KDM7A: variants seen among roughly 807,000 people sequenced by gnomAD.
KDM7A encodes lysine-specific demethylase 7A.
Under a neutral mutation model 114.8 loss-of-function variants are expected in KDM7A, and 28 were observed. The ratio of observed to expected loss-of-function variants is 0.24; its 90% CI spans 0.18 to 0.33. KDM7A has a LOEUF of 0.33. KDM7A is among the 10% of genes least tolerant of loss of function. The probability of loss-of-function intolerance (pLI) is 1.00; values close to 1 mark genes in which losing one functional copy is unlikely to be tolerated. For missense variants in KDM7A, 942 were observed against 1,142.5 expected (o/e 0.82, Z 2.53); for synonymous variants, 423 against 397.8 (o/e 1.06, Z -0.75).
chr7:140,176,885 G>A lies in KDM7A; in HGVS notation c.53C>T (p.Ala18Val). The stretch of plus-strand genomic sequence containing the variant: ...GGGAGCCGCCACCGACACGGCTGCC[G>A]CGGCGGCTCCAGCTGCTGCTCCCGC... Reference protein sequence around the residue: ...VAAGAAAGAAAAAVSVAAPGR... With the variant: ...VAAGAAAGAAVAAVSVAAPGR... Residue 18 changes from alanine to valine, a missense_variant, in exon 1 of 20, where the codon GCG becomes GTG. Ala to Val is a moderately conservative substitution (Grantham distance 64, BLOSUM62 0). Coordinates refer to ENST00000397560, the MANE Select transcript of KDM7A (RefSeq NM_030647.2). The surrounding 1 kb of genome is among the most constrained non-coding windows in gnomAD (Gnocchi z 4.4). 1.7e-6 allele frequency: 2 copies of A among 1,207,924 alleles called. No individual in the cohort carries two copies. The highest frequency in any genetic ancestry group is 2.1e-6 in the Non-Finnish European group (2 of 961,802). 74.8% of individuals were successfully genotyped at this position (1,207,924 alleles called of 1,614,324 possible).
chr7:140,089,408 T>C lies in KDM7A; in HGVS notation c.*1686A>G, dbSNP rs1817985281. ...TACATTTGAATGCAACCATGAAAGA[T>C]GATGGTACAGACTTTTTTCTTCTTA... is the stretch of plus-strand genomic sequence containing the variant. On this transcript the variant is annotated 3_prime_UTR_variant, in exon 20 of 20. Coordinates refer to ENST00000397560, the MANE Select transcript of KDM7A (RefSeq NM_030647.2). The C allele has an allele frequency of 1.3e-5, 2 of 152,222 alleles. No homozygotes were observed. The highest frequency in any genetic ancestry group is 1.3e-4 in the Admixed American group (2 of 15,286). 9.4% of individuals were successfully genotyped at this position (152,222 alleles called of 1,614,324 possible). A position where few individuals can be genotyped will look rare whatever the true frequency, so the allele number is the denominator to read the frequency against.
At chr7:140,171,447 G>A (rs1163105789) in intron 1 of KDM7A, among the ~76,000 whole-genome samples, 2 of 149,240 alleles carry the variant, frequency 1.3e-5, no homozygotes, top group African/African-American at 2.5e-5. Flanking sequence ...CTAGCCTGGA[G>A]ACAGAGCAAG....
intron 2 of KDM7A, 67 bp downstream of exon 2, chr7:140,139,038 G>T: frequency 4.1e-6 from 4 of 964,552 alleles, no homozygotes; most frequent in Non-Finnish European, 6.7e-6. Context: ...GTATTACCAT[G>T]TACATGTAAG....
chr7:140,117,836 T>C (rs1270554992), intron 9 of KDM7A, among the ~76,000 whole-genome samples: 4 of 152,210 alleles, frequency 2.6e-5, no homozygotes, highest in East Asian at 1.9e-4. Flanking sequence ...TAAGGATTCA[T>C]TTCTGGAGCA....
chr7:140,114,169 C>T (rs535820530), intron 9 of KDM7A, among the ~76,000 whole-genome samples: 4 of 152,118 alleles, frequency 2.6e-5, no homozygotes, highest in African/African-American at 4.8e-5. Context: ...ATATAGAAAA[C>T]GCCCCTCCCC....
chr7:140,100,117 C>T, intron 12 of KDM7A, 94 bp from the exon 13 acceptor site: 1 of 1,351,032 alleles, frequency 7.4e-7, no homozygotes, highest in Non-Finnish European at 1.0e-6. Flanking sequence ...CCCCCATGGT[C>T]CTGCATCTCA....
intron 2 of KDM7A, among the ~76,000 whole-genome samples, chr7:140,134,871 C>A (rs542021478): frequency 6.6e-6 from 1 of 151,988 alleles, no homozygotes; most frequent in South Asian, 2.1e-4. Context: ...TTCCACCTTA[C>A]AAAGATCACA....
At chr7:140,135,452 T>C (rs767589672) in intron 2 of KDM7A, among the ~76,000 whole-genome samples, 14 of 152,088 alleles carry the variant, frequency 9.2e-5, no homozygotes, top group Non-Finnish European at 1.5e-4. Context: ...CCGCCCACCT[T>C]GGCCTCCCAA....
At chr7:140,092,122 A>T (rs1818030315) in intron 18 of KDM7A, 45 bp from the exon 19 acceptor site, 2 of 1,594,232 alleles carry the variant, frequency 1.3e-6, no homozygotes, top group Non-Finnish European at 1.7e-6. Flanking sequence ...TAGGGTTTAA[A>T]TGAGGTATTT....
intron 1 of KDM7A, among the ~76,000 whole-genome samples, chr7:140,147,897 G>T (rs1794355823): frequency 6.6e-6 from 1 of 152,174 alleles, no homozygotes; most frequent in African/African-American, 2.4e-5. Context: ...GTTTTGACTT[G>T]GAGCAGGTTT....
intron 18 of KDM7A, among the ~76,000 whole-genome samples, chr7:140,093,749 T>C (rs1252406687): frequency 1.3e-5 from 2 of 152,240 alleles, no homozygotes; most frequent in African/African-American, 4.8e-5. Flanking sequence ...AGATATGATA[T>C]TCATCTTTTC....
At chr7:140,152,582 T>A (rs1794412731) in intron 1 of KDM7A, among the ~76,000 whole-genome samples, 1 of 146,166 alleles carries the variant, frequency 6.8e-6, no homozygotes, top group African/African-American at 2.6e-5. Context: ...GCTGAGATCA[T>A]CCCACTGCAC....
rs1562945231 is a variant in KDM7A at position 140,098,893 on chromosome 7, T to C, written c.1904A>G (p.Gln635Arg). Residue 635 changes from glutamine (Q) to arginine (R), a missense_variant, in exon 14 of 20, where the codon CAA (glutamine) becomes CGA (arginine). By Grantham distance (43) the Gln-to-Arg change is conservative. Transcript: ENST00000397560. ...GVEGVEHEES[Q>R]KPLNGFFTRV... The stretch of plus-strand genomic sequence containing the variant: ...AAAAAACATACCATTCAGTGGTTTT[T>C]GAGATTCTTCATGTTCCACTCCCTC... 6.2e-7 allele frequency: 1 copy of C among 1,611,126 alleles called. No individual in the cohort carries two copies. The highest frequency in any genetic ancestry group is 1.7e-5 in the Admixed American group (1 of 59,456).
chr7:140,165,921 A>G (rs1281175279), intron 1 of KDM7A, among the ~76,000 whole-genome samples: 1 of 152,206 alleles, frequency 6.6e-6, no homozygotes, highest in Admixed American at 6.5e-5. Flanking sequence ...AAGGAGGCAA[A>G]AGAAATTCAT....
At chr7:140,096,404 T>C (rs1183681419) in intron 17 of KDM7A, 151 bp downstream of exon 17, 27 of 627,508 alleles carry the variant, frequency 4.3e-5, no homozygotes, top group East Asian at 3.6e-4. Flanking sequence ...TTACGTGATA[T>C]GTCAGCATTG....
At chr7:140,166,040 T>C (rs191428150) in intron 1 of KDM7A, among the ~76,000 whole-genome samples, 2 of 152,292 alleles carry the variant, frequency 1.3e-5, no homozygotes, top group Admixed American at 1.3e-4. Flanking sequence ...CTGTTGTTAA[T>C]CTCTTACTGT....
At chr7:140,135,867 C>A (rs1017645739) in intron 2 of KDM7A, among the ~76,000 whole-genome samples, 15 of 150,448 alleles carry the variant, frequency 1.0e-4, no homozygotes, top group Non-Finnish European at 1.9e-4. Flanking sequence ...AAGCGTATTT[C>A]ATACCCCTGG....
chr7:140,093,499 C>G (rs1818056810), intron 18 of KDM7A, among the ~76,000 whole-genome samples: 1 of 152,158 alleles, frequency 6.6e-6, no homozygotes, highest in Non-Finnish European at 1.5e-5. Context: ...AACTTTGATT[C>G]TTTCTTTGGC....
chr7:140,169,826 A>G (rs926440609), intron 1 of KDM7A, among the ~76,000 whole-genome samples: 1 of 152,186 alleles, frequency 6.6e-6, no homozygotes, highest in African/African-American at 2.4e-5. Flanking sequence ...CAACCTAACT[A>G]ATGGTTTTTA....
Sources: gnomAD v4.1 joint callset for allele counts (sites outside exome capture counted in the v4.1 genomes callset) on GRCh38, gnomAD v4.1.1 for gene constraint, Gnocchi (gnomAD v3.1) non-coding constraint, MANE v1.5 for transcripts, NCBI Gene and HGNC (gene_info 2026-07-23, HGNC 2026-07-21) for gene names.